Variants in KIAA1586 observed in about 807,000 individuals in gnomAD.
KIAA1586 encodes the protein E3 SUMO-protein ligase KIAA1586.
KIAA1586 carries 5 observed loss-of-function variants against 6.1 expected under a neutral mutation model. The observed-to-expected ratio is 0.82, with a 90% confidence interval of 0.43 to 1.73. The LOEUF (loss-of-function observed/expected upper bound fraction) is 1.73, where lower values mean the gene tolerates loss of function less well. KIAA1586 is among the 40% of genes most tolerant of loss of function. KIAA1586 has a pLI of 0.02. For missense variants in KIAA1586, 899 were observed against 878.2 expected, an observed-to-expected ratio of 1.02 and a Z score of -0.30; for synonymous variants, 280 against 301.7, an observed-to-expected ratio of 0.93 and a Z score of 0.75.
Position 57,054,048 on chromosome 6 carries a change from T to G in KIAA1586, c.1549T>G (p.Leu517Val). 6.2e-7 allele frequency: 1 copy of G among 1,611,312 alleles called. No individual in the cohort carries two copies. Among genetic ancestry groups the G allele is most frequent in the Non-Finnish European group, 8.5e-7 (1 of 1,178,580 alleles). Residue 517 changes from leucine (L) to valine (V), a missense_variant, in exon 4 of 4, where the codon TTA (leucine) becomes GTA (valine). By Grantham distance (32) the Leu-to-Val change is conservative (BLOSUM62 1). Transcript: ENST00000370733. ...TTCTTACTCTGGTTTGGCGAAGAGATTAGCTAACATTAATTTCTTACAAGA... is the reference window on the plus strand; with the variant it reads ...TTCTTACTCTGGTTTGGCGAAGAGAGTAGCTAACATTAATTTCTTACAAGA... ...SHSYSGLAKR[L>V]ANINFLQDLA...
chr6:57,054,624 A>T lies in KIAA1586; in HGVS notation c.2125A>T (p.Arg709Trp). 1 of 1,593,272 alleles carries T rather than the reference A, an allele frequency of 6.3e-7. No homozygotes were observed. The highest frequency in any genetic ancestry group is 1.7e-5 in the Admixed American group (1 of 58,048). ...TIAINSAEAERGFNLMNIICT... is the reference protein window; with the variant it reads ...TIAINSAEAEWGFNLMNIICT... ...TGCAATCAATAGTGCTGAAGCTGAA[A>T]GGGGTTTCAATTTAATGAACATAAT... Residue 709 changes from arginine to tryptophan, a missense_variant, in exon 4 of 4, where the codon AGG becomes TGG. By Grantham distance (101) the Arg-to-Trp change is moderately radical. Transcript: ENST00000370733.
the KIAA1586 span, among the ~76,000 whole-genome samples, chr6:57,063,594 C>T: frequency 2.6e-5 from 4 of 151,030 alleles, no homozygotes; most frequent in African/African-American, 9.7e-5. Flanking sequence ...ACTTGGATTA[C>T]AGGTGCACGC....
chr6:57,063,450 C>CTTTTTTTTTTTTTTTT, the KIAA1586 span, among the ~76,000 whole-genome samples: 1 of 102,552 alleles, frequency 9.8e-6, no homozygotes, highest in Non-Finnish European at 1.8e-5. Context: ...TATGTTATTT[C>CTTTTTTTTTTTTTTTT]TTTTTTTTTT....
the KIAA1586 span, among the ~76,000 whole-genome samples, chr6:57,062,617 G>GTA: frequency 1.3e-5 from 2 of 152,122 alleles, no homozygotes; most frequent in Non-Finnish European, 2.9e-5. Context: ...AAATTTCAAA[G>GTA]TACACAAATA....
chr6:57,057,006 A>G (rs1364703088), downstream of KIAA1586, among the ~76,000 whole-genome samples: 1 of 152,032 alleles, frequency 6.6e-6, no homozygotes, highest in East Asian at 1.9e-4. Flanking sequence ...AGGCAGGTGG[A>G]TCATGAGGTT....
In KIAA1586 at chr6:57,053,579, G is replaced by C. The variant is rs1828403758; in HGVS notation, c.1080G>C (p.Glu360Asp). 1.2e-6 allele frequency: 2 copies of C among 1,610,452 alleles called. No homozygotes were observed. The highest frequency in any genetic ancestry group is 2.2e-5 in the South Asian group (2 of 90,906). The change falls in exon 4 of 4, where the codon GAG (glutamate) becomes GAC (aspartate). Residue 360 changes from glutamate to aspartate, a missense_variant. Coordinates refer to ENST00000370733, the MANE Select transcript of KIAA1586 (RefSeq NM_020931.4). ...ALKELVSTIA[E>D]CIVNTLLTTL... ...AAGAATTGGTGTCAACTATAGCAGA[G>C]TGTATTGTCAATACATTATTGACTA...
chr6:57,060,876 C>G, the KIAA1586 span, among the ~76,000 whole-genome samples: 1 of 152,106 alleles, frequency 6.6e-6, no homozygotes, highest in African/African-American at 2.4e-5. Context: ...GTCTTGAACC[C>G]CTGGCCTCAA....
In KIAA1586 at chr6:57,054,319, T is replaced by C. The variant is rs746831605; in HGVS notation, c.1820T>C (p.Leu607Pro). 1 of 1,587,172 alleles carries C rather than the reference T, an allele frequency of 6.3e-7. No homozygotes were observed. The highest frequency in any genetic ancestry group is 2.2e-5 in the East Asian group (1 of 44,676). ...AATGCTCTTCCTAGGAGTATATTAC[T>C]AGACAATATAATTCAGCACATGAAC... ...KFNALPRSIL[L>P]DNIIQHMNLR... The change falls in exon 4 of 4, where the codon CTA becomes CCA. Residue 607 changes from leucine to proline, a missense_variant. Physicochemically the swap from Leu to Pro is moderately conservative, Grantham distance 98. Transcript: ENST00000370733.
At chr6:57,057,257 G>A (rs548691603), downstream of KIAA1586, among the ~76,000 whole-genome samples, 1 of 151,822 alleles carries the variant, frequency 6.6e-6, no homozygotes, top group South Asian at 2.1e-4. Flanking sequence ...AAGGCCTTTA[G>A]TTAAGCACCA....
chr6:57,057,484 G>T (rs1316076280), downstream of KIAA1586, among the ~76,000 whole-genome samples: 3 of 152,108 alleles, frequency 2.0e-5, no homozygotes, highest in African/African-American at 7.2e-5. Context: ...CAGGTGCAGT[G>T]GTTCACACGT....
the KIAA1586 span, among the ~76,000 whole-genome samples, chr6:57,062,122 G>A: frequency 2.0e-5 from 3 of 151,578 alleles, no homozygotes; most frequent in African/African-American, 7.3e-5. Flanking sequence ...ATAGAGACAG[G>A]TTTTCACCAT....
At chr6:57,056,449 T>C (rs1240576858), downstream of KIAA1586, among the ~76,000 whole-genome samples, 1 of 151,958 alleles carries the variant, frequency 6.6e-6, no homozygotes, top group Non-Finnish European at 1.5e-5. Flanking sequence ...CCTCAGGTGA[T>C]GCGCCTGCCT....
intron 3 of KIAA1586, 54 bp from the exon 4 acceptor site, chr6:57,052,632 A>G: frequency 5.8e-6 from 8 of 1,369,922 alleles, no homozygotes; most frequent in Non-Finnish European, 7.8e-6. Context: ...AACTTTTTAC[A>G]TTGACCCTTA....
At chr6:57,056,041 T>G (rs1420651213), downstream of KIAA1586, among the ~76,000 whole-genome samples, 9 of 152,196 alleles carry the variant, frequency 5.9e-5, no homozygotes, top group South Asian at 1.5e-3. Flanking sequence ...AGATGTGAAA[T>G]AGCTGAGATT....
In KIAA1586 at chr6:57,054,058, T is replaced by G. The variant is rs1828426821; in HGVS notation, c.1559T>G (p.Ile520Ser). The G allele has an allele frequency of 1.2e-6, 2 of 1,610,722 alleles. No individual in the cohort carries two copies. Among genetic ancestry groups the G allele is most frequent in the Non-Finnish European group, 1.7e-6 (2 of 1,177,942 alleles). Residue 520 changes from isoleucine (I) to serine (S), a missense_variant, in exon 4 of 4, where the codon ATT becomes AGT. By Grantham distance (142) the Ile-to-Ser change is moderately radical. Transcript: ENST00000370733. ...YSGLAKRLAN[I>S]NFLQDLALMI... ...GGTTTGGCGAAGAGATTAGCTAACA[T>G]TAATTTCTTACAAGACCTTGCTTTA...
rs757246399 is a variant in KIAA1586 at position 57,054,079 on chromosome 6, C to T, written c.1580C>T (p.Ala527Val). The T allele has an allele frequency of 1.1e-5, 17 of 1,610,602 alleles. No homozygotes were observed. Among genetic ancestry groups the T allele is most frequent in the Non-Finnish European group, 1.4e-5 (16 of 1,178,522 alleles). ...AACATTAATTTCTTACAAGACCTTG[C>T]TTTAATGATTGACATTCTTGAAGAA... is the stretch of plus-strand genomic sequence containing the variant. ...LANINFLQDL[A>V]LMIDILEEFS... Residue 527 changes from alanine (A) to valine (V), a missense_variant, in exon 4 of 4, where the codon GCT (alanine) becomes GTT (valine). Coordinates refer to ENST00000370733, the MANE Select transcript of KIAA1586 (RefSeq NM_020931.4).
At chr6:57,051,519 TTTG>T (rs1444225273) in intron 3 of KIAA1586, among the ~76,000 whole-genome samples, 1 of 151,780 alleles carries the variant, frequency 6.6e-6, no homozygotes, top group Non-Finnish European at 1.5e-5. Flanking sequence ...TGATTTATTA[TTTG>T]TTGATTAAAC....
the KIAA1586 span, among the ~76,000 whole-genome samples, chr6:57,061,876 CATG>C: frequency 6.6e-6 from 1 of 151,336 alleles, no homozygotes; most frequent in Admixed American, 6.6e-5. Context: ...GTGAAAAAGA[CATG>C]ATCTTTTTAT....
rs1362517751 is a variant in KIAA1586 at position 57,053,202 on chromosome 6, G to A, written c.703G>A (p.Val235Met). Residue 235 changes from valine to methionine, a missense_variant, in exon 4 of 4, where the codon GTG becomes ATG. Physicochemically the swap from Val to Met is conservative, Grantham distance 21. Coordinates refer to ENST00000370733, the MANE Select transcript of KIAA1586 (RefSeq NM_020931.4). ...AACTAATGATTCAATTTGTAATTTA[G>A]TGCATAAACAAAATAATAAAAATAT... ...ESTNDSICNL[V>M]HKQNNKNIDA... 34 of 1,600,856 alleles carry A rather than the reference G, an allele frequency of 2.1e-5. No individual in the cohort carries two copies. Among genetic ancestry groups the A allele is most frequent in the Non-Finnish European group, 2.8e-5 (33 of 1,175,504 alleles).
Sources: gnomAD v4.1 joint callset for allele counts (sites outside exome capture counted in the v4.1 genomes callset) on GRCh38, gnomAD v4.1.1 for gene constraint, MANE v1.5 for transcripts, NCBI Gene and HGNC (gene_info 2026-07-23, HGNC 2026-07-21) for gene names.